CELF2: variants seen among roughly 807,000 people sequenced by gnomAD.
CELF2 encodes the protein CUGBP Elav-like family member 2.
In CELF2, 8 loss-of-function variants were observed where a neutral mutation model predicts 62.6. The ratio of observed to expected loss-of-function variants is 0.13; its 90% CI spans 0.07 to 0.23. The LOEUF is 0.23. Ranked by LOEUF, CELF2 falls within the 10% of genes least tolerant of loss-of-function variation. The pLI, the probability that CELF2 is intolerant of heterozygous loss-of-function variation, is 1.00. For missense variants in CELF2, 333 were observed against 671.0 expected (o/e 0.50, Z 5.56); for synonymous variants, 258 against 250.0 (o/e 1.03, Z -0.30).
chr10:10,876,018 G>A (rs2061066738), intron 1 of CELF2, among the ~76,000 whole-genome samples: 1 of 152,224 alleles, frequency 6.6e-6, no homozygotes, highest in Non-Finnish European at 1.5e-5. Context: ...GCCACCATCT[G>A]AAAGCCTTGC....
intron 1 of CELF2, among the ~76,000 whole-genome samples, chr10:10,826,216 T>C (rs1166357250): frequency 6.6e-6 from 1 of 152,160 alleles, no homozygotes; most frequent in Non-Finnish European, 1.5e-5. Context: ...CCATTTCTCT[T>C]GGTATGGCTC....
At chr10:10,645,363 G>T in the CELF2 span, among the ~76,000 whole-genome samples, 2 of 152,154 alleles carry the variant, frequency 1.3e-5, no homozygotes, top group African/African-American at 4.8e-5. Flanking sequence ...TTGTGATTAA[G>T]AATTTGTGCC....
At chr10:10,823,106 A>C (rs1426238235) in intron 1 of CELF2, among the ~76,000 whole-genome samples, 1 of 152,242 alleles carries the variant, frequency 6.6e-6, no homozygotes, top group Non-Finnish European at 1.5e-5. Context: ...TATGTAATTT[A>C]ATTCTTCTGT....
rs2064619847 is a variant in CELF2 at position 11,157,101 on chromosome 10, G to A, written c.75-8385G>A. Among the ~76,000 whole-genome samples the A allele has an allele frequency of 6.6e-6, 1 of 152,028 alleles. No homozygotes were observed. The highest frequency in any genetic ancestry group is 2.4e-5 in the African/African-American group (1 of 41,336). The stretch of plus-strand genomic sequence containing the variant: ...AAGGTCCTTTGCGGAACAGGCTCCA[G>A]GGGGTGGCATTTCAAGAGCAGGTTG... On this transcript the variant is annotated intron_variant, in intron 1 of 12. Transcript: ENST00000633077. This position sits in a 1 kb window ranked among gnomAD's most constrained non-coding sequence, Gnocchi z 4.9.
intron 1 of CELF2, among the ~76,000 whole-genome samples, chr10:11,144,578 C>T (rs2061910461): frequency 6.7e-6 from 1 of 149,588 alleles, no homozygotes; most frequent in South Asian, 2.1e-4. Flanking sequence ...AAAACATAGA[C>T]TGTATTATTT....
At chr10:10,723,674 G>C in the CELF2 span, among the ~76,000 whole-genome samples, 1 of 152,128 alleles carries the variant, frequency 6.6e-6, no homozygotes, top group Non-Finnish European at 1.5e-5. Context: ...TGAGAACAAA[G>C]GACTAAAGCA....
chr10:10,610,828 T>C, the CELF2 span, among the ~76,000 whole-genome samples: 1 of 152,082 alleles, frequency 6.6e-6, no homozygotes, highest in Non-Finnish European at 1.5e-5. Flanking sequence ...GTTATAGTGA[T>C]TAGGGGGAGA....
chr10:10,600,494 A>C, the CELF2 span, among the ~76,000 whole-genome samples: 1 of 152,226 alleles, frequency 6.6e-6, no homozygotes, highest in African/African-American at 2.4e-5. Flanking sequence ...AGTTACCTGC[A>C]TGGTGGTGAT....
At chr10:11,205,715 C>T (rs1391011776) in intron 2 of CELF2, among the ~76,000 whole-genome samples, 2 of 152,080 alleles carry the variant, frequency 1.3e-5, no homozygotes, top group Non-Finnish European at 1.5e-5. Flanking sequence ...CCACCTTGGC[C>T]CCAAAAGTGA....
the CELF2 span, among the ~76,000 whole-genome samples, chr10:10,591,235 A>G: frequency 6.6e-6 from 1 of 152,200 alleles, no homozygotes; most frequent in Non-Finnish European, 1.5e-5. Context: ...AACATTCAAT[A>G]TTGCGTTATT....
At chr10:10,657,076 T>C in the CELF2 span, among the ~76,000 whole-genome samples, 1 of 152,320 alleles carries the variant, frequency 6.6e-6, no homozygotes, top group South Asian at 2.1e-4. Context: ...TGGCAGAATA[T>C]TATTCAGCAG....
intron 2 of CELF2, among the ~76,000 whole-genome samples, chr10:10,926,648 A>G (rs1242425940): frequency 6.6e-6 from 1 of 152,012 alleles, no homozygotes; most frequent in Non-Finnish European, 1.5e-5. Context: ...CTTCCATGGG[A>G]CTGTTTTTTA....
At chr10:10,910,422 C>G (rs1430485451) in intron 1 of CELF2, among the ~76,000 whole-genome samples, 1 of 152,040 alleles carries the variant, frequency 6.6e-6, no homozygotes, top group African/African-American at 2.4e-5. Flanking sequence ...CAGGCCAGTG[C>G]AGTAGTTCAT....
chr10:11,131,843 C>A (rs776142094), intron 1 of CELF2, among the ~76,000 whole-genome samples: 4 of 152,096 alleles, frequency 2.6e-5, no homozygotes, highest in Non-Finnish European at 5.9e-5. Flanking sequence ...TCTAGTATTG[C>A]GGCTGGTTAG....
rs1174027458 is a variant in CELF2, at chr10:10,931,084, A to G, written c.89+11085A>G. Among the ~76,000 whole-genome samples, 1 of 152,228 alleles carries G rather than the reference A, an allele frequency of 6.6e-6. No homozygotes were observed. Among genetic ancestry groups the G allele is most frequent in the East Asian group, 1.9e-4 (1 of 5,202 alleles). ...AAAATTTATTCCCATGTATACATAG[A>G]TAGTTTTAAACCCTGTAAACCTTTC... On this transcript the variant is annotated intron_variant, in intron 2 of 13. Transcript: ENST00000636488. The surrounding 1 kb of genome is among the most constrained non-coding windows in gnomAD (Gnocchi z 6.1).
chr10:10,695,952 A>G, the CELF2 span, among the ~76,000 whole-genome samples: 1 of 151,516 alleles, frequency 6.6e-6, no homozygotes, highest in Non-Finnish European at 1.5e-5. Flanking sequence ...TTTGGTTTGA[A>G]TGTCCTCCCG....
the CELF2 span, among the ~76,000 whole-genome samples, chr10:10,706,610 G>C: frequency 6.6e-6 from 1 of 152,146 alleles, no homozygotes; most frequent in African/African-American, 2.4e-5. Flanking sequence ...AATTCATGAG[G>C]TTTCACCCTG....
chr10:11,105,103 G>A (rs769098939), intron 1 of CELF2, among the ~76,000 whole-genome samples: 29 of 152,222 alleles, frequency 1.9e-4, no homozygotes, highest in Non-Finnish European at 2.8e-4. Context: ...CATACCGGTT[G>A]GGTTATCCGA....
the CELF2 span, among the ~76,000 whole-genome samples, chr10:10,490,568 T>TGG: frequency 2.0e-3 from 298 of 150,650 alleles, no homozygotes; most frequent in African/African-American, 7.0e-3. Context: ...TCTATCTGGT[T>TGG]GGGGGGGGGT....
Sources: gnomAD v4.1 joint callset for allele counts (sites outside exome capture counted in the v4.1 genomes callset) on GRCh38, gnomAD v4.1.1 for gene constraint, Gnocchi (gnomAD v3.1) non-coding constraint, MANE v1.5 for transcripts, NCBI Gene and HGNC (gene_info 2026-07-23, HGNC 2026-07-21) for gene names.